The following EPHB1 variants were observed in gnomAD, a reference collection of about 807,000 sequenced individuals.
The protein encoded by EPHB1 is EPH receptor B1.
Under a neutral mutation model 94.4 loss-of-function variants are expected in EPHB1, and 30 were observed. That is an observed-to-expected ratio of 0.32 (90% CI 0.24 to 0.43). EPHB1 has a LOEUF of 0.43. Among genes scored for constraint, EPHB1 ranks in the 20% least tolerant of loss-of-function variants. The pLI, the probability that EPHB1 is intolerant of heterozygous loss-of-function variation, is 1.00. For synonymous variants in EPHB1, 522 were observed against 489.1 expected (o/e 1.07, Z -0.89); for missense variants, 1,055 against 1,308.3 (o/e 0.81, Z 2.99).
chr3:135,198,019 G>A (rs1272291700), intron 11 of EPHB1, among the ~76,000 whole-genome samples: 3 of 152,170 alleles, frequency 2.0e-5, no homozygotes, highest in Non-Finnish European at 4.4e-5. Flanking sequence ...TGGTTCTCTT[G>A]AAGATTCTAA....
chr3:135,119,175 G>A (rs1484219532), intron 4 of EPHB1, among the ~76,000 whole-genome samples: 2 of 152,112 alleles, frequency 1.3e-5, no homozygotes, highest in Admixed American at 1.3e-4. Flanking sequence ...GGAATTGTCT[G>A]TTTATAACCC....
intron 1 of EPHB1, among the ~76,000 whole-genome samples, chr3:134,878,722 T>C (rs2087450674): frequency 6.6e-6 from 1 of 152,208 alleles, no homozygotes; most frequent in Non-Finnish European, 1.5e-5. Flanking sequence ...TGAACTTCTG[T>C]TCACACACCA....
intron 9 of EPHB1, among the ~76,000 whole-genome samples, 170 bp downstream of exon 9, chr3:135,167,176 C>A (rs1941675452): frequency 6.6e-6 from 1 of 152,174 alleles, no homozygotes; most frequent in Non-Finnish European, 1.5e-5. Context: ...CAACAGGCTA[C>A]CCTCCCATCT....
intron 3 of EPHB1, among the ~76,000 whole-genome samples, chr3:134,964,214 G>A (rs1338673909): frequency 2.6e-5 from 4 of 152,318 alleles, no homozygotes; most frequent in Admixed American, 6.5e-5. Context: ...AGGGACCTCC[G>A]AAGAAACTGG....
chr3:135,179,916 G>T lies in EPHB1; in HGVS notation c.1816G>T (p.Ala606Ser). ...DPFTYEDPNE[A>S]VREFAKEIDV... ...CTTCACTTACGAGGATCCCAACGAA[G>T]CTGTCCGGGAGTTTGCCAAGGAGAT... The change falls in exon 10 of 16, where the codon GCT (alanine) becomes TCT (serine). Residue 606 changes from alanine (A) to serine (S), a missense_variant. Ala to Ser is a moderately conservative substitution (Grantham distance 99). Transcript: ENST00000398015. The T allele has an allele frequency of 6.2e-7, 1 of 1,613,988 alleles. No individual in the cohort carries two copies. Among genetic ancestry groups the T allele is most frequent in the Non-Finnish European group, 8.5e-7 (1 of 1,179,860 alleles).
At chr3:135,039,848 C>T (rs940673433) in intron 3 of EPHB1, among the ~76,000 whole-genome samples, 14 of 152,344 alleles carry the variant, frequency 9.2e-5, no homozygotes, top group Admixed American at 8.5e-4. Context: ...CCTTGGCCAG[C>T]CCAGAAAGGG....
chr3:135,054,038 TATACACACACAC>T (rs1937275746), intron 3 of EPHB1, among the ~76,000 whole-genome samples: 1 of 107,502 alleles, frequency 9.3e-6, no homozygotes, highest in African/African-American at 3.6e-5. Flanking sequence ...TATATATATA[TATACACACACAC>T]ACACACACAC....
At chr3:134,962,091 T>C (rs1933541011) in intron 3 of EPHB1, among the ~76,000 whole-genome samples, 1 of 152,194 alleles carries the variant, frequency 6.6e-6, no homozygotes, top group Admixed American at 6.5e-5. Context: ...CAATTTTTGT[T>C]CCCACCAGCA....
At chr3:134,855,349 TGG>T (rs1358144628) in intron 1 of EPHB1, among the ~76,000 whole-genome samples, 2 of 152,194 alleles carry the variant, frequency 1.3e-5, no homozygotes, top group African/African-American at 2.4e-5. Context: ...ACTGGGGTGA[TGG>T]AACTGCCCTG....
At chr3:135,252,682 G>C (rs1933178093) in intron 15 of EPHB1, among the ~76,000 whole-genome samples, 1 of 141,978 alleles carries the variant, frequency 7.0e-6, no homozygotes, top group Admixed American at 7.1e-5. Context: ...ACATACGTTT[G>C]CACGTGTCTT....
intron 3 of EPHB1, among the ~76,000 whole-genome samples, chr3:135,086,579 G>A (rs1938370810): frequency 6.6e-6 from 1 of 151,616 alleles, no homozygotes. Flanking sequence ...TTCTCACCCT[G>A]GGGTGCCTAC....
chr3:134,867,273 T>C (rs1349438912), intron 1 of EPHB1, among the ~76,000 whole-genome samples: 1 of 152,162 alleles, frequency 6.6e-6, no homozygotes, highest in African/African-American at 2.4e-5. Flanking sequence ...GATGTCTAAG[T>C]TATTCATTTA....
At chr3:135,063,726 G>A (rs966552417) in intron 3 of EPHB1, among the ~76,000 whole-genome samples, 5 of 152,150 alleles carry the variant, frequency 3.3e-5, no homozygotes, top group Admixed American at 2.0e-4. Flanking sequence ...CTAGTACTGT[G>A]TTGAAGAGGA....
intron 3 of EPHB1, among the ~76,000 whole-genome samples, chr3:134,969,490 A>G (rs1336446295): frequency 6.6e-6 from 1 of 152,044 alleles, no homozygotes; most frequent in Non-Finnish European, 1.5e-5. Flanking sequence ...TGGTCCACAC[A>G]GGGGAGAGCC....
At chr3:135,072,060 A>C (rs972718207) in intron 3 of EPHB1, among the ~76,000 whole-genome samples, 1 of 152,162 alleles carries the variant, frequency 6.6e-6, no homozygotes, top group African/African-American at 2.4e-5. Flanking sequence ...TCCACACAGC[A>C]GGCAGATGAA....
intron 3 of EPHB1, among the ~76,000 whole-genome samples, chr3:134,969,413 G>T (rs1933886743): frequency 6.6e-6 from 1 of 152,204 alleles, no homozygotes; most frequent in Non-Finnish European, 1.5e-5. Context: ...GAAGGGAAAA[G>T]GACAGGTGAG....
chr3:134,992,660 C>T (rs1419525799), intron 3 of EPHB1, among the ~76,000 whole-genome samples: 1 of 152,164 alleles, frequency 6.6e-6, no homozygotes, highest in Non-Finnish European at 1.5e-5. Flanking sequence ...CTTCAAGTGC[C>T]TGCCTAAAGG....
rs1933557372 is a variant in EPHB1 at position 135,259,531 on chromosome 3, TCTCCTTTCGTA to T, written c.*417_*427del. On this transcript the variant is annotated 3_prime_UTR_variant, in exon 16 of 16. Coordinates refer to ENST00000398015, the MANE Select transcript of EPHB1 (RefSeq NM_004441.5). ...CCTCACCAATGACATTCTTTTCTTT[TCTCCTTTCGTA>T]CTCCTCCCTGAGAGTCCCCTCCCTT... 1 of 204,644 alleles carries T rather than the reference TCTCCTTTCGTA, an allele frequency of 4.9e-6. No homozygotes were observed. The highest frequency in any genetic ancestry group is 1.0e-5 in the Non-Finnish European group (1 of 99,768). The allele number at this position is 204,644 out of a possible 1,614,324, so 12.7% of individuals were successfully genotyped here. A position where few individuals can be genotyped will look rare whatever the true frequency, so the allele number is the denominator to read the frequency against.
intron 1 of EPHB1, among the ~76,000 whole-genome samples, chr3:134,841,758 A>G (rs1040272768): frequency 6.6e-6 from 1 of 152,208 alleles, no homozygotes; most frequent in African/African-American, 2.4e-5. Flanking sequence ...AAATAGGTTT[A>G]ATAAAATATT....
Sources: gnomAD v4.1 joint callset for allele counts (sites outside exome capture counted in the v4.1 genomes callset) on GRCh38, gnomAD v4.1.1 for gene constraint, MANE v1.5 for transcripts, NCBI Gene and HGNC (gene_info 2026-07-23, HGNC 2026-07-21) for gene names.